Variants in PAX2 observed in about 807,000 individuals in gnomAD.
The protein encoded by PAX2 is paired box protein Pax-2.
In PAX2, 9 loss-of-function variants were observed where a neutral mutation model predicts 41.7. The observed-to-expected ratio is 0.22, with a 90% CI of 0.13 to 0.38. PAX2 has a LOEUF of 0.38. Among genes scored for constraint, PAX2 ranks in the 10% least tolerant of loss-of-function variants. The pLI is 1.00. For synonymous variants in PAX2, 221 were observed against 212.7 expected, an observed-to-expected ratio of 1.04 and a Z score of -0.34; for missense variants, 418 against 531.6, an observed-to-expected ratio of 0.79 and a Z score of 2.10.
At chr10:100,822,645 G>A (rs1467550054) in intron 7 of PAX2, among the ~76,000 whole-genome samples, 1 of 152,206 alleles carries the variant, frequency 6.6e-6, no homozygotes, top group Non-Finnish European at 1.5e-5. Context: ...CAGCACAGAT[G>A]CTGTAGAAGT....
rs747364450 is a variant in PAX2, at chr10:100,746,312, C to A, written c.43+9C>A. ...CTTCTCCGCGATGCACCGTGAGTAC[C>A]GGCGCCCGGCTCCTGTCCCGGCTCG... On this transcript the variant is annotated intron_variant, in intron 1 of 9. Transcript: ENST00000355243. 9.6e-6 allele frequency: 15 copies of A among 1,568,880 alleles called. No homozygotes were observed. The highest frequency in any genetic ancestry group is 1.2e-5 in the Non-Finnish European group (14 of 1,139,124).
intron 8 of PAX2, among the ~76,000 whole-genome samples, chr10:100,825,526 G>A (rs1431642373): frequency 6.6e-6 from 1 of 152,172 alleles, no homozygotes; most frequent in Non-Finnish European, 1.5e-5. Flanking sequence ...TGAAGCCAAA[G>A]AGAGTTGAAG....
At position 100,738,458 on chromosome 10, in the gene PAX2, T is replaced by C. The variant is rs117102558; in HGVS notation, c.25+2725T>C. 1.2e-4 allele frequency among the ~76,000 whole-genome samples: 19 copies of C among 152,300 alleles called. No individual in the cohort carries two copies. In the East Asian group the frequency reaches 1.7e-3, roughly 14 times the overall value. On this transcript the variant is annotated intron_variant, in intron 1 of 9. Coordinates refer to the PAX2 transcript ENST00000679374. Reference sequence around the variant, plus strand: ...CCCGCCTGGAACACAGCTGTCTGCCTATACTACCTTCGCCACCCCCTGGCA... The same window carrying C: ...CCCGCCTGGAACACAGCTGTCTGCCCATACTACCTTCGCCACCCCCTGGCA...
At position 100,750,292 on chromosome 10, in the gene PAX2, A is replaced by G. The variant is rs1039574891; in HGVS notation, c.212+378A>G. Among the ~76,000 whole-genome samples the G allele has an allele frequency of 1.6e-4, 25 of 152,212 alleles. No individual in the cohort carries two copies. Among genetic ancestry groups the G allele is most frequent in the African/African-American group, 6.0e-4 (25 of 41,526 alleles). On this transcript the variant is annotated intron_variant, in intron 2 of 9. Coordinates refer to ENST00000355243, the MANE Select transcript of PAX2 (RefSeq NM_000278.5). The surrounding 1 kb of genome is among the most constrained non-coding windows in gnomAD (Gnocchi z 4.1). Reference sequence around the variant, plus strand: ...GGAGAAGCAGCAGCATTTGGGAGGCAGAAGGAGGGTCCTGGTTCCCACAGA... The same window carrying G: ...GGAGAAGCAGCAGCATTTGGGAGGCGGAAGGAGGGTCCTGGTTCCCACAGA...
At chr10:100,810,694 C>T (rs752837960) in intron 7 of PAX2, among the ~76,000 whole-genome samples, 5 of 152,226 alleles carry the variant, frequency 3.3e-5, no homozygotes, top group Admixed American at 2.0e-4. Context: ...AAAGAGAACC[C>T]GGGAGACTTC....
chr10:100,774,120 T>C (rs1846305370), intron 3 of PAX2, among the ~76,000 whole-genome samples: 1 of 152,194 alleles, frequency 6.6e-6, no homozygotes, highest in African/African-American at 2.4e-5. Context: ...AACTAGAAGA[T>C]GAGTAAGAAT....
chr10:100,806,772 T>G (rs1284602930), intron 6 of PAX2, among the ~76,000 whole-genome samples, 167 bp downstream of exon 6: 1 of 152,198 alleles, frequency 6.6e-6, no homozygotes, highest in Admixed American at 6.5e-5. Flanking sequence ...CAGTATGGTA[T>G]CGTTAAGACA....
chr10:100,816,881 CAGAGGCTTA>C (rs1848203922), intron 7 of PAX2, among the ~76,000 whole-genome samples: 1 of 152,214 alleles, frequency 6.6e-6, no homozygotes, highest in Admixed American at 6.5e-5. Context: ...CCTAATGCTG[CAGAGGCTTA>C]AGTGGCCGTT....
intron 7 of PAX2, among the ~76,000 whole-genome samples, chr10:100,813,423 CAA>C (rs1438216777): frequency 6.6e-6 from 1 of 152,186 alleles, no homozygotes; most frequent in Non-Finnish European, 1.5e-5. Flanking sequence ...GAGGGGAACT[CAA>C]AGCCAGATCA....
chr10:100,763,541 G>T (rs1451976737), intron 3 of PAX2, among the ~76,000 whole-genome samples: 1 of 152,190 alleles, frequency 6.6e-6, no homozygotes, highest in South Asian at 2.1e-4. Context: ...GTATTGGAAC[G>T]AGCACAGCTG....
intron 5 of PAX2, chr10:100,786,939 C>G (rs780064901): frequency 2.2e-6 from 3 of 1,382,994 alleles, no homozygotes; most frequent in Admixed American, 1.9e-5. Flanking sequence ...CTTATTTGCT[C>G]TAGTTGAGGT....
intron 3 of PAX2, among the ~76,000 whole-genome samples, chr10:100,761,372 C>T (rs903866361): frequency 1.3e-5 from 2 of 152,102 alleles, no homozygotes; most frequent in Admixed American, 6.5e-5. Flanking sequence ...TTTTTCCCCA[C>T]CCTCGTTTCC....
Position 100,746,028 on chromosome 10 carries a change from G to A in PAX2, c.-233G>A, listed in dbSNP as rs1213704601. ...CATTCTGCTGACCGCCCAGCCCCGA[G>A]CCCCGACAGTGGCAAGTTGCGGCTA... On this transcript the variant is annotated 5_prime_UTR_variant, in exon 1 of 10. Coordinates refer to ENST00000355243, the MANE Select transcript of PAX2 (RefSeq NM_000278.5). 3 of 1,429,512 alleles carry A rather than the reference G, an allele frequency of 2.1e-6. No homozygotes were observed. The East Asian group carries it at 7.8e-5, about 37-fold the overall frequency. 88.6% of individuals were successfully genotyped at this position (1,429,512 alleles called of 1,614,324 possible).
chr10:100,761,373 C>A (rs150499433), intron 3 of PAX2, among the ~76,000 whole-genome samples: 1 of 152,160 alleles, frequency 6.6e-6, no homozygotes, highest in African/African-American at 2.4e-5. Flanking sequence ...TTTTCCCCAC[C>A]CTCGTTTCCT....
At chr10:100,775,264 G>A (rs915139490) in intron 3 of PAX2, among the ~76,000 whole-genome samples, 10 of 152,192 alleles carry the variant, frequency 6.6e-5, no homozygotes, top group Admixed American at 2.6e-4. Context: ...ATGGGGAAAC[G>A]GTATCAGGCC....
chr10:100,756,167 A>G (rs962134502), intron 3 of PAX2, among the ~76,000 whole-genome samples: 2 of 152,138 alleles, frequency 1.3e-5, no homozygotes, highest in African/African-American at 4.8e-5. Flanking sequence ...TGGAAGATTA[A>G]TCACACTCCA....
At chr10:100,778,621 G>C (rs763063210) in intron 3 of PAX2, among the ~76,000 whole-genome samples, 2 of 152,170 alleles carry the variant, frequency 1.3e-5, no homozygotes, top group Non-Finnish European at 2.9e-5. Context: ...CCAGTGGGTA[G>C]GGGGAGCATT....
intron 3 of PAX2, among the ~76,000 whole-genome samples, chr10:100,773,743 C>T (rs1564719262): frequency 2.0e-5 from 3 of 152,116 alleles, no homozygotes; most frequent in Admixed American, 1.3e-4. Context: ...CAGGCTGCCC[C>T]GGCCCCCCAG....
At position 100,824,573 on chromosome 10, in the gene PAX2, G is replaced by T. The variant is rs374673945; in HGVS notation, c.920-75G>T. The T allele has an allele frequency of 3.9e-6, 4 of 1,026,548 alleles. No homozygotes were observed. Among genetic ancestry groups the T allele is most frequent in the Non-Finnish European group, 4.7e-6 (3 of 644,192 alleles). The allele number at this position is 1,026,548 out of a possible 1,614,324, so 63.6% of individuals were successfully genotyped here. A position where few individuals can be genotyped will look rare whatever the true frequency, so the allele number is the denominator to read the frequency against. On this transcript the variant is annotated intron_variant, in intron 7 of 9. Coordinates refer to ENST00000355243, the MANE Select transcript of PAX2 (RefSeq NM_000278.5). The surrounding 1 kb of genome is among the most constrained non-coding windows in gnomAD (Gnocchi z 6.6). ...TTTCCTCTCCAAGAGTTTCCTCTCC[G>T]TGCAGTACCCTGGTGTGAGTAGAGG...
Sources: allele counts gnomAD v4.1 joint callset (sites outside exome capture counted in the v4.1 genomes callset), GRCh38; gene constraint gnomAD v4.1.1; non-coding constraint Gnocchi (gnomAD v3.1); transcripts MANE v1.5; gene names NCBI Gene and HGNC (gene_info 2026-07-23, HGNC 2026-07-21).